CBFB: variants seen among roughly 807,000 people sequenced by gnomAD.
CBFB encodes the protein CBF-beta.
CBFB carries 9 observed loss-of-function variants against 30.4 expected under a neutral mutation model. That is an observed-to-expected ratio of 0.30 (90% CI 0.18 to 0.52). The LOEUF is 0.52. CBFB is among the 20% of genes least tolerant of loss of function. The pLI is 0.97. For synonymous variants in CBFB, 94 were observed against 84.0 expected (o/e 1.12, Z -0.65); for missense variants, 170 against 244.0 (o/e 0.70, Z 2.02).
At chr16:67,084,852 A>G (rs1310265056) in intron 5 of CBFB, among the ~76,000 whole-genome samples, 1 of 152,022 alleles carries the variant, frequency 6.6e-6, no homozygotes, top group Admixed American at 6.6e-5. Context: ...TGGCTCTGTC[A>G]TTTACTTTGT....
At chr16:67,050,375 A>C (rs562470580) in intron 3 of CBFB, among the ~76,000 whole-genome samples, 8 of 151,334 alleles carry the variant, frequency 5.3e-5, no homozygotes, top group Non-Finnish European at 1.2e-4. Context: ...GGATTCCTGT[A>C]CTGTTGATAG....
intron 5 of CBFB, among the ~76,000 whole-genome samples, chr16:67,097,728 A>G (rs1262341558): frequency 2.0e-5 from 3 of 152,168 alleles, no homozygotes; most frequent in Non-Finnish European, 4.4e-5. Context: ...AATAGAGATA[A>G]ATAATAGCAC....
chr16:67,035,164 A>G (rs2145711028), intron 2 of CBFB, among the ~76,000 whole-genome samples: 1 of 151,566 alleles, frequency 6.6e-6, no homozygotes, highest in Non-Finnish European at 1.5e-5. Context: ...ACTGCATGCA[A>G]CCTCTGCCTC....
chr16:67,031,803 G>T (rs949372843), intron 2 of CBFB, among the ~76,000 whole-genome samples: 1 of 151,708 alleles, frequency 6.6e-6, no homozygotes, highest in Non-Finnish European at 1.5e-5. Flanking sequence ...GTGAGCCACC[G>T]CGTCTGGTCT....
intron 5 of CBFB, among the ~76,000 whole-genome samples, chr16:67,097,859 T>A (rs1962099155): frequency 6.6e-6 from 1 of 152,140 alleles, no homozygotes; most frequent in Non-Finnish European, 1.5e-5. Context: ...GTCCAGGAAT[T>A]TGAGGCTGTA....
intron 2 of CBFB, among the ~76,000 whole-genome samples, chr16:67,034,280 A>G (rs1966406473): frequency 6.6e-6 from 1 of 152,242 alleles, no homozygotes; most frequent in Non-Finnish European, 1.5e-5. Context: ...ATTGAATGGT[A>G]AAAAGTATGT....
intron 3 of CBFB, among the ~76,000 whole-genome samples, chr16:67,057,418 A>C (rs117795374): frequency 2.6e-5 from 4 of 152,336 alleles, no homozygotes; most frequent in Non-Finnish European, 4.4e-5. Context: ...TTCTTGTAAT[A>C]GAATTTTTTT....
intron 4 of CBFB, among the ~76,000 whole-genome samples, chr16:67,068,416 G>A (rs1252456379): frequency 6.6e-6 from 1 of 152,084 alleles, no homozygotes; most frequent in Non-Finnish European, 1.5e-5. Flanking sequence ...AGGAGCTCAA[G>A]GCTGCAGTGA....
intron 3 of CBFB, among the ~76,000 whole-genome samples, chr16:67,040,256 G>C (rs542780514): frequency 9.2e-5 from 14 of 152,182 alleles, no homozygotes; most frequent in Non-Finnish European, 1.9e-4. Context: ...TTAATTATTT[G>C]CCTCTGTTCC....
chr16:67,037,493 T>A (rs1356596494), intron 3 of CBFB, among the ~76,000 whole-genome samples: 2 of 152,024 alleles, frequency 1.3e-5, no homozygotes, highest in African/African-American at 4.8e-5. Context: ...AGAAAAACAA[T>A]GTGAAAACTT....
intron 4 of CBFB, among the ~76,000 whole-genome samples, chr16:67,077,905 C>G (rs1961446878): frequency 6.6e-6 from 1 of 152,174 alleles, no homozygotes; most frequent in Non-Finnish European, 1.5e-5. Context: ...TTACACCCAG[C>G]CATGTTTTAT....
intron 5 of CBFB, among the ~76,000 whole-genome samples, chr16:67,097,904 A>G (rs965955304): frequency 1.3e-5 from 2 of 152,174 alleles, no homozygotes; most frequent in African/African-American, 4.8e-5. Context: ...TAGCCGCTGC[A>G]GTCCAGCCCG....
At chr16:67,037,517 CTTTTT>C (rs907832672) in intron 3 of CBFB, among the ~76,000 whole-genome samples, 1 of 151,040 alleles carries the variant, frequency 6.6e-6, no homozygotes, top group Non-Finnish European at 1.5e-5. Context: ...CTTGGAAATA[CTTTTT>C]TTTTGTTTTG....
At chr16:67,094,861 T>G (rs1172533011) in intron 5 of CBFB, among the ~76,000 whole-genome samples, 1 of 152,212 alleles carries the variant, frequency 6.6e-6, no homozygotes, top group African/African-American at 2.4e-5. Context: ...TGTGCTAAAA[T>G]TTAGTCATTG....
intron 4 of CBFB, among the ~76,000 whole-genome samples, chr16:67,069,383 G>A (rs1207472976): frequency 2.7e-5 from 4 of 150,046 alleles, no homozygotes; most frequent in Non-Finnish European, 5.9e-5. Context: ...AAAAAAAAAA[G>A]AAATTCTGGA....
At chr16:67,032,546 C>G (rs575438078) in intron 2 of CBFB, among the ~76,000 whole-genome samples, 1 of 152,190 alleles carries the variant, frequency 6.6e-6, no homozygotes, top group South Asian at 2.1e-4. Flanking sequence ...CAGTGTTAAC[C>G]CACATTTAAT....
At position 67,049,154 on chromosome 16, in the gene CBFB, C is replaced by T. The variant is rs149261072; in HGVS notation, c.282+12399C>T. On this transcript the variant is annotated intron_variant, in intron 3 of 5. Coordinates refer to ENST00000412916, the MANE Select transcript of CBFB (RefSeq NM_022845.3). ...GTTTTTAATATATTCACAACCATCA[C>T]CATTATGTAATTTGTGAGTATTTCA... Among the ~76,000 whole-genome samples, 451 of 151,410 alleles carry T rather than the reference C, an allele frequency of 3.0e-3. 2 individuals are homozygous for T. The highest frequency in any genetic ancestry group is 4.4e-3 in the Non-Finnish European group (301 of 67,832).
chr16:67,032,104 T>C (rs539870236), intron 2 of CBFB, among the ~76,000 whole-genome samples: 7 of 152,342 alleles, frequency 4.6e-5, no homozygotes, highest in South Asian at 4.1e-4. Context: ...AATGGAATTA[T>C]GAATTCAACC....
intron 3 of CBFB, among the ~76,000 whole-genome samples, chr16:67,042,223 C>G (rs955063379): frequency 1.3e-5 from 2 of 152,070 alleles, no homozygotes; most frequent in Admixed American, 6.5e-5. Flanking sequence ...CACGCCCAGG[C>G]TTTTTAAAAA....
Sources: gnomAD v4.1 joint callset for allele counts (sites outside exome capture counted in the v4.1 genomes callset) on GRCh38, gnomAD v4.1.1 for gene constraint, MANE v1.5 for transcripts, NCBI Gene and HGNC (gene_info 2026-07-23, HGNC 2026-07-21) for gene names.